Variants in OVCH1 observed in about 807,000 individuals in gnomAD.
OVCH1 encodes ovochymase-1.
A neutral mutation model predicts 138.4 loss-of-function variants in OVCH1; 139 were observed. That is an observed-to-expected ratio of 1.00 (90% confidence interval 0.87 to 1.16). OVCH1 has a LOEUF of 1.16. Ranked by LOEUF, OVCH1 falls within the 50% of genes most tolerant of loss-of-function variation. The probability of loss-of-function intolerance (pLI) is 0.00; values close to 1 mark genes in which losing one functional copy is unlikely to be tolerated. For synonymous variants in OVCH1, 453 were observed against 467.8 expected (o/e 0.97, Z 0.41); for missense variants, 1,367 against 1,357.9 (o/e 1.01, Z -0.11).
rs73278713 is a variant in OVCH1, at chr12:29,441,108, G to A, written c.3158-1674C>T. On this transcript the variant is annotated intron_variant, in intron 25 of 27. Coordinates refer to ENST00000318184, the Ensembl canonical transcript of OVCH1. Reference sequence around the variant, plus strand: ...AGTCCCATATATCCCATGGTGTCCAGAAATGTTGGTTGACCACCCAAAATC... The same window carrying A: ...AGTCCCATATATCCCATGGTGTCCAAAAATGTTGGTTGACCACCCAAAATC... 8.7e-3 allele frequency among the ~76,000 whole-genome samples: 1,322 copies of A among 152,256 alleles called. 15 individuals carry two copies. The highest frequency in any genetic ancestry group is 0.031 in the African/African-American group (1,269 of 41,558).
At chr12:29,440,505 A>G in intron 25 of OVCH1, 1 of 295,112 alleles carries the variant, frequency 3.4e-6, no homozygotes, top group Non-Finnish European at 6.6e-6. Context: ...CATAATAGAT[A>G]TTTCTAATCC....
intron 27 of OVCH1, among the ~76,000 whole-genome samples, chr12:29,433,052 TA>T (rs1021410897): frequency 6.6e-6 from 1 of 151,974 alleles, no homozygotes; most frequent in East Asian, 1.9e-4. Flanking sequence ...GGAGTCTTGC[TA>T]AAAAAAAGAG....
chr12:29,403,353 C>T, the OVCH1 span, among the ~76,000 whole-genome samples: 1 of 152,048 alleles, frequency 6.6e-6, no homozygotes, highest in African/African-American at 2.4e-5. Flanking sequence ...TTTTCTATTT[C>T]CTTATGAATT....
intron 6 of OVCH1, among the ~76,000 whole-genome samples, chr12:29,488,164 T>C (rs1592113126): frequency 6.6e-6 from 1 of 152,028 alleles, no homozygotes. Context: ...TAAACTACCA[T>C]GTACATTCTA....
chr12:29,468,060 T>A (rs1451410175), intron 16 of OVCH1, among the ~76,000 whole-genome samples: 1 of 152,146 alleles, frequency 6.6e-6, no homozygotes, highest in African/African-American at 2.4e-5. Context: ...CACATAGACA[T>A]TTACCATACC....
downstream of OVCH1, among the ~76,000 whole-genome samples, chr12:29,409,500 A>G (rs1592017475): frequency 6.6e-6 from 1 of 151,692 alleles, no homozygotes; most frequent in African/African-American, 2.4e-5. Flanking sequence ...AGATTCTGGT[A>G]TGTTGTGTCT....
chr12:29,433,198 T>C (rs909923209), intron 27 of OVCH1, among the ~76,000 whole-genome samples: 3 of 152,190 alleles, frequency 2.0e-5, no homozygotes, highest in Non-Finnish European at 4.4e-5. Flanking sequence ...CACCCAAATC[T>C]CACCTTGAAT....
chr12:29,455,818 G>C (rs916134623), intron 19 of OVCH1, among the ~76,000 whole-genome samples: 1 of 151,334 alleles, frequency 6.6e-6, no homozygotes, highest in Non-Finnish European at 1.5e-5. Context: ...GAAATGTGCT[G>C]CCTGTTTTTT....
intron 24 of OVCH1, 65 bp from the exon 25 acceptor site, chr12:29,443,565 C>A: frequency 7.0e-7 from 1 of 1,424,406 alleles, no homozygotes; most frequent in Non-Finnish European, 9.4e-7. Flanking sequence ...AGTTATTTTG[C>A]TCAGAAATTA....
chr12:29,430,550 G>A (rs905876192), intron 27 of OVCH1, among the ~76,000 whole-genome samples: 2 of 152,166 alleles, frequency 1.3e-5, no homozygotes, highest in African/African-American at 4.8e-5. Context: ...GGAGGATTAT[G>A]ACTGTCTCTG....
exon 18 of OVCH1, chr12:29,464,541 G>A: frequency 6.2e-7 from 1 of 1,613,514 alleles, no homozygotes; most frequent in Non-Finnish European, 8.5e-7. Context: ...TCACAGCACA[G>A]ATCTCCGAGG....
intron 26 of OVCH1, among the ~76,000 whole-genome samples, chr12:29,437,134 A>G (rs1941378858): frequency 6.6e-6 from 1 of 152,104 alleles, no homozygotes; most frequent in African/African-American, 2.4e-5. Context: ...CTTTAGCTAG[A>G]CACAGTGTGC....
Position 29,495,460 on chromosome 12 carries a change from A to G in OVCH1, c.282-3T>C. ...CAGTTATATTCTTCAGCTGCTTCCTAAAACCAAAGAAAAATGTTTCATAAG... is the reference window on the plus strand; with the variant it reads ...CAGTTATATTCTTCAGCTGCTTCCTGAAACCAAAGAAAAATGTTTCATAAG... On this transcript the variant is annotated splice_region_variant and splice_polypyrimidine_tract_variant and intron_variant, in intron 3 of 27. Transcript: ENST00000318184. 1 of 1,610,254 alleles carries G rather than the reference A, an allele frequency of 6.2e-7. No homozygotes were observed. Among genetic ancestry groups the G allele is most frequent in the East Asian group, 2.2e-5 (1 of 44,742 alleles).
At chr12:29,416,754 C>T (rs1037498753) in intron 3 of OVCH1, among the ~76,000 whole-genome samples, 1 of 152,112 alleles carries the variant, frequency 6.6e-6, no homozygotes, top group Non-Finnish European at 1.5e-5. Context: ...TAGTTTATTA[C>T]AAAACTAAAC....
chr12:29,447,098 T>C (rs75233139), intron 22 of OVCH1, among the ~76,000 whole-genome samples: 6,195 of 152,146 alleles, frequency 0.041, 162 homozygotes, highest in East Asian at 0.069. Flanking sequence ...TATCTTTGTA[T>C]ATAAAGCTCA....
intron 2 of OVCH1, 45 bp from the exon 3 acceptor site, chr12:29,496,323 CA>C: frequency 2.1e-6 from 3 of 1,445,636 alleles, no homozygotes; most frequent in Non-Finnish European, 2.9e-6. Flanking sequence ...TGTCTCCCCA[CA>C]TATGTATCTC....
At chr12:29,408,357 G>T (rs75722808), downstream of OVCH1, among the ~76,000 whole-genome samples, 2 of 115,760 alleles carry the variant, frequency 1.7e-5, no homozygotes, top group Non-Finnish European at 4.2e-5. Context: ...GAATAGGAGT[G>T]GTGAGAGAGG....
chr12:29,427,653 G>A, intron 27 of OVCH1: 2 of 1,550,188 alleles, frequency 1.3e-6, no homozygotes, highest in Non-Finnish European at 1.7e-6. Context: ...CATACTGTGA[G>A]AAATAAATAT....
chr12:29,402,577 T>C, the OVCH1 span, among the ~76,000 whole-genome samples: 1 of 149,878 alleles, frequency 6.7e-6, no homozygotes, highest in African/African-American at 2.5e-5. Context: ...ATGGAGGGCA[T>C]TGAGAAAGAA....
Sources: allele counts gnomAD v4.1 joint callset (sites outside exome capture counted in the v4.1 genomes callset), GRCh38; gene constraint gnomAD v4.1.1; transcripts MANE v1.5; gene names NCBI Gene and HGNC (gene_info 2026-07-23, HGNC 2026-07-21).